The following AFG2A variants were observed in gnomAD, a reference collection of about 807,000 sequenced individuals.
AFG2A encodes the protein ATPase family gene 2 protein homolog A.
At chr4:122,994,777 C>T in the AFG2A span, among the ~76,000 whole-genome samples, 4 of 151,272 alleles carry the variant, frequency 2.6e-5, no homozygotes, top group African/African-American at 4.8e-5. Context: ...TAGTAAACTC[C>T]GATCCAGGTT....
chr4:123,081,967 T>C, the AFG2A span, among the ~76,000 whole-genome samples: 82 of 152,316 alleles, frequency 5.4e-4, 2 homozygotes, highest in Admixed American at 4.9e-3. Context: ...GTTTTTGGCC[T>C]ATTTTTTAAT....
the AFG2A span, among the ~76,000 whole-genome samples, chr4:123,017,002 A>G: frequency 6.6e-6 from 1 of 152,168 alleles, no homozygotes; most frequent in East Asian, 1.9e-4. Context: ...CACGCCTGCA[A>G]TCGCAGGCCC....
chr4:123,172,344 G>A, the AFG2A span, among the ~76,000 whole-genome samples: 1 of 152,178 alleles, frequency 6.6e-6, no homozygotes, highest in African/African-American at 2.4e-5. Context: ...ATGAGAAGGA[G>A]TTTTGTCTGT....
the AFG2A span, among the ~76,000 whole-genome samples, chr4:123,224,318 G>A: frequency 2.6e-5 from 4 of 151,812 alleles, no homozygotes; most frequent in African/African-American, 4.8e-5. Flanking sequence ...CCATTAACTC[G>A]TCATTTAATT....
chr4:122,944,462 C>T, the AFG2A span, among the ~76,000 whole-genome samples: 2 of 152,200 alleles, frequency 1.3e-5, no homozygotes, highest in Non-Finnish European at 2.9e-5. Context: ...TCACGTAGTT[C>T]TCGAGCCTTG....
At chr4:123,063,703 G>A in the AFG2A span, among the ~76,000 whole-genome samples, 16,399 of 151,494 alleles carry the variant, frequency 0.11, 995 homozygotes, top group Middle Eastern at 0.21. Context: ...CTGAGATCGC[G>A]CCACTGCACT....
At chr4:122,923,078 C>T in the AFG2A span, 1 of 1,594,058 alleles carries the variant, frequency 6.3e-7, no homozygotes, top group Non-Finnish European at 8.6e-7. Flanking sequence ...GGAAGTTTTT[C>T]TCTCAGTTGA....
chr4:122,963,987 T>A, the AFG2A span, among the ~76,000 whole-genome samples: 1 of 152,188 alleles, frequency 6.6e-6, no homozygotes, highest in Non-Finnish European at 1.5e-5. Context: ...TCTACCCAGC[T>A]GTGAATCTTC....
chr4:122,976,184 C>T, the AFG2A span, among the ~76,000 whole-genome samples: 1 of 152,110 alleles, frequency 6.6e-6, no homozygotes. Context: ...GATATTCAGA[C>T]TGGATTTCTG....
the AFG2A span, among the ~76,000 whole-genome samples, chr4:123,298,101 G>A: frequency 1.1e-4 from 10 of 89,848 alleles, no homozygotes; most frequent in South Asian, 1.5e-3. Flanking sequence ...ACATGCATGC[G>A]TGCATACACA....
At chr4:123,301,395 C>T in the AFG2A span, among the ~76,000 whole-genome samples, 1 of 151,968 alleles carries the variant, frequency 6.6e-6, no homozygotes, top group African/African-American at 2.4e-5. Flanking sequence ...ATAAGTATTA[C>T]AAGTCAGAGG....
chr4:123,000,066 A>G, the AFG2A span, among the ~76,000 whole-genome samples: 10 of 149,998 alleles, frequency 6.7e-5, no homozygotes, highest in Admixed American at 1.3e-4. Context: ...CTTTGAAGCA[A>G]TTGTGAATGG....
chr4:123,274,766 A>C, the AFG2A span, among the ~76,000 whole-genome samples: 22 of 152,216 alleles, frequency 1.4e-4, no homozygotes, highest in Middle Eastern at 6.8e-3. Context: ...AACATGAGGC[A>C]AGAATCCAGA....
At chr4:123,269,818 A>G in the AFG2A span, among the ~76,000 whole-genome samples, 2 of 152,034 alleles carry the variant, frequency 1.3e-5, no homozygotes, top group Non-Finnish European at 2.9e-5. Context: ...AAAGATGTAT[A>G]GTTTGTTTTG....
the AFG2A span, among the ~76,000 whole-genome samples, chr4:123,027,210 G>T: frequency 6.6e-6 from 1 of 151,880 alleles, no homozygotes; most frequent in Non-Finnish European, 1.5e-5. Context: ...AGACCATATT[G>T]CTTTCTAGAT....
At chr4:123,114,744 C>T in the AFG2A span, among the ~76,000 whole-genome samples, 1 of 152,234 alleles carries the variant, frequency 6.6e-6, no homozygotes, top group Admixed American at 6.5e-5. Flanking sequence ...CCCGCCAGTC[C>T]CTGGCTCTGC....
chr4:123,215,625 CT>C, the AFG2A span, among the ~76,000 whole-genome samples: 4,701 of 152,136 alleles, frequency 0.031, 97 homozygotes, highest in African/African-American at 0.038. Context: ...TGCCTCTTAA[CT>C]TTTAATTTCC....
At chr4:122,943,683 G>A in the AFG2A span, among the ~76,000 whole-genome samples, 20 of 152,214 alleles carry the variant, frequency 1.3e-4, no homozygotes, top group South Asian at 3.7e-3. Flanking sequence ...TCATTATGAT[G>A]TTAGCTGGTT....
chr4:123,242,298 C>A, the AFG2A span, among the ~76,000 whole-genome samples: 1 of 152,188 alleles, frequency 6.6e-6, no homozygotes, highest in Non-Finnish European at 1.5e-5. Flanking sequence ...GCCCGCATAG[C>A]CAAGACAGTA....
Sources: gnomAD v4.1 joint callset for allele counts (sites outside exome capture counted in the v4.1 genomes callset) on GRCh38, gnomAD v4.1.1 for gene constraint, MANE v1.5 for transcripts, NCBI Gene and HGNC (gene_info 2026-07-23, HGNC 2026-07-21) for gene names.